Variants in DTD1 observed in about 807,000 individuals in gnomAD.
DTD1 encodes the protein D-aminoacyl-tRNA deacylase 1.
DTD1 carries 13 observed loss-of-function variants against 25.6 expected under a neutral mutation model. That is an observed-to-expected ratio of 0.51 (90% confidence interval 0.33 to 0.81). The LOEUF (loss-of-function observed/expected upper bound fraction) is 0.81, where lower values mean the gene tolerates loss of function less well. Among genes scored for constraint, DTD1 ranks in the 30% least tolerant of loss-of-function variants. The pLI is 0.02. For missense variants in DTD1, 193 were observed against 266.4 expected (o/e 0.72, Z 1.92); for synonymous variants, 110 against 103.6 (o/e 1.06, Z -0.37).
intron 4 of DTD1, among the ~76,000 whole-genome samples, chr20:18,716,883 T>C (rs1234732465): frequency 5.3e-5 from 8 of 152,204 alleles, no homozygotes; most frequent in Non-Finnish European, 1.0e-4. Context: ...CAACAATGGC[T>C]TCATGAATTT....
chr20:18,724,294 C>T (rs1260095051), intron 4 of DTD1, among the ~76,000 whole-genome samples: 1 of 152,146 alleles, frequency 6.6e-6, no homozygotes, highest in Non-Finnish European at 1.5e-5. Flanking sequence ...GGCAGGTAGG[C>T]ACATGGGTAC....
intron 4 of DTD1, among the ~76,000 whole-genome samples, chr20:18,741,729 A>C (rs374889991): frequency 2.0e-5 from 3 of 151,322 alleles, no homozygotes; most frequent in East Asian, 3.9e-4. Flanking sequence ...TTTTAATTAA[A>C]AAAAATTTTT....
At chr20:18,732,263 A>G (rs765899734) in intron 4 of DTD1, among the ~76,000 whole-genome samples, 1 of 152,272 alleles carries the variant, frequency 6.6e-6, no homozygotes, top group Non-Finnish European at 1.5e-5. Flanking sequence ...TAAAATGCTC[A>G]TGAACAGTGT....
At chr20:18,713,544 G>A (rs1328014288) in intron 4 of DTD1, among the ~76,000 whole-genome samples, 1 of 152,152 alleles carries the variant, frequency 6.6e-6, no homozygotes, top group East Asian at 1.9e-4. Context: ...ACTGGAGCAG[G>A]TCCCTGGTGC....
intron 4 of DTD1, among the ~76,000 whole-genome samples, chr20:18,680,386 C>G (rs1253266944): frequency 7.2e-6 from 1 of 138,888 alleles, no homozygotes; most frequent in Admixed American, 7.4e-5. Flanking sequence ...TAGAGACACT[C>G]TTTATCACAG....
chr20:18,724,839 A>G (rs2061217592), intron 4 of DTD1, among the ~76,000 whole-genome samples: 1 of 152,254 alleles, frequency 6.6e-6, no homozygotes, highest in South Asian at 2.1e-4. Context: ...AAGAGAGGAA[A>G]TCCACAAGCT....
At chr20:18,624,671 C>G (rs2060750264) in intron 3 of DTD1, among the ~76,000 whole-genome samples, 1 of 152,132 alleles carries the variant, frequency 6.6e-6, no homozygotes, top group Non-Finnish European at 1.5e-5. Flanking sequence ...GTTAGACAAC[C>G]ATATAGCCTT....
chr20:18,724,162 AGAGGAAAGCCCCAT>A (rs2061215389), intron 4 of DTD1, among the ~76,000 whole-genome samples: 1 of 152,182 alleles, frequency 6.6e-6, no homozygotes, highest in East Asian at 1.9e-4. Context: ...AACACCAGCA[AGAGGAAAGCCCCAT>A]GAGCTCTGTG....
At chr20:18,590,928 G>A (rs6081232) in intron 1 of DTD1, among the ~76,000 whole-genome samples, 90,284 of 152,052 alleles carry the variant, frequency 0.59, 27,132 homozygotes, top group Middle Eastern at 0.66. Flanking sequence ...TGATGTCTGT[G>A]AACAGTGTTG....
chr20:18,705,775 G>A (rs182719069), intron 4 of DTD1, among the ~76,000 whole-genome samples: 1 of 152,292 alleles, frequency 6.6e-6, no homozygotes, highest in East Asian at 1.9e-4. Flanking sequence ...CCAAAGGTTG[G>A]AAACATTGTT....
chr20:18,664,789 G>T (rs887571890), intron 4 of DTD1, among the ~76,000 whole-genome samples: 1 of 152,198 alleles, frequency 6.6e-6, no homozygotes, highest in South Asian at 2.1e-4. Flanking sequence ...GCAAGGGTGT[G>T]TGGCCCAGGG....
chr20:18,626,557 T>C (rs550770581), intron 3 of DTD1, among the ~76,000 whole-genome samples: 10 of 152,356 alleles, frequency 6.6e-5, no homozygotes, highest in African/African-American at 2.4e-4. Flanking sequence ...AGCCCAGATG[T>C]CATTTTATAG....
intron 4 of DTD1, among the ~76,000 whole-genome samples, chr20:18,660,545 A>G (rs1241724292): frequency 6.6e-6 from 1 of 152,194 alleles, no homozygotes; most frequent in Non-Finnish European, 1.5e-5. Context: ...TTATTTAGCA[A>G]AGCAGAAACT....
chr20:18,722,998 G>A (rs2061210471), intron 4 of DTD1, among the ~76,000 whole-genome samples: 1 of 152,196 alleles, frequency 6.6e-6, no homozygotes, highest in African/African-American at 2.4e-5. Flanking sequence ...AAATACAGAA[G>A]ATTCCATTAT....
chr20:18,590,997 G>C (rs573254447), intron 1 of DTD1, among the ~76,000 whole-genome samples: 96 of 152,298 alleles, frequency 6.3e-4, no homozygotes, highest in African/African-American at 2.1e-3. Context: ...ATGAATTCTT[G>C]AAGTAGAGAT....
intron 4 of DTD1, among the ~76,000 whole-genome samples, chr20:18,674,092 A>AT (rs199648272): frequency 2.6e-4 from 40 of 151,534 alleles, no homozygotes; most frequent in South Asian, 8.4e-4. Flanking sequence ...TACTTTGGTG[A>AT]TTTTTTTTTC....
chr20:18,592,029 G>C (rs1352337028), intron 1 of DTD1, among the ~76,000 whole-genome samples: 1 of 152,216 alleles, frequency 6.6e-6, no homozygotes, highest in Non-Finnish European at 1.5e-5. Context: ...GCTCTGCTGG[G>C]ATCTGAATAG....
In DTD1 at chr20:18,750,645, G is replaced by A. The variant is rs536653846; in HGVS notation, c.*19+6374G>A. ...AATGTTGCTTCTTATTTTACCAAGTGGACATGAAACTGCTAAAATTAACTG... is the reference window on the plus strand; with the variant it reads ...AATGTTGCTTCTTATTTTACCAAGTAGACATGAAACTGCTAAAATTAACTG... On this transcript the variant is annotated intron_variant, in intron 5 of 5. Coordinates refer to ENST00000377452, the MANE Select transcript of DTD1 (RefSeq NM_080820.6). Among the ~76,000 whole-genome samples, 3 of 152,270 alleles carry A rather than the reference G, an allele frequency of 2.0e-5. No homozygotes were observed. The South Asian group carries it at 6.2e-4, about 32-fold the overall frequency.
chr20:18,709,966 A>G (rs2061151891), intron 4 of DTD1, among the ~76,000 whole-genome samples: 1 of 152,186 alleles, frequency 6.6e-6, no homozygotes, highest in South Asian at 2.1e-4. Context: ...TTTAGAATGT[A>G]TTAGGGTAAA....
Sources: allele counts gnomAD v4.1 joint callset (sites outside exome capture counted in the v4.1 genomes callset), GRCh38; gene constraint gnomAD v4.1.1; transcripts MANE v1.5; gene names NCBI Gene and HGNC (gene_info 2026-07-23, HGNC 2026-07-21).